Variants in FAM193A observed in about 807,000 individuals in gnomAD.
FAM193A encodes protein FAM193A.
A neutral mutation model predicts 126.5 loss-of-function variants in FAM193A; 22 were observed. That is an observed-to-expected ratio of 0.17 (90% CI 0.12 to 0.25). The LOEUF (loss-of-function observed/expected upper bound fraction) is 0.25. Among genes scored for constraint, FAM193A ranks in the 10% least tolerant of loss-of-function variants. The pLI, the probability that FAM193A is intolerant of heterozygous loss-of-function variation, is 1.00. For synonymous variants in FAM193A, 761 were observed against 646.8 expected (o/e 1.18, Z -2.68); for missense variants, 1,675 against 1,672.8 (o/e 1.00, Z -0.02).
At chr4:2,715,477 C>G in intron 19 of FAM193A, 1 of 985,296 alleles carries the variant, frequency 1.0e-6, no homozygotes. Flanking sequence ...TTGATGAAAT[C>G]TCTGGATGTC....
At chr4:2,536,209 A>AAAGG (rs1736862174), upstream of FAM193A, among the ~76,000 whole-genome samples, 1 of 151,204 alleles carries the variant, frequency 6.6e-6, no homozygotes, top group African/African-American at 2.4e-5. Flanking sequence ...AGAGAGGCGG[A>AAAGG]ACTCCCTGCC....
chr4:2,667,612 C>G (rs1265003263), intron 12 of FAM193A, among the ~76,000 whole-genome samples: 1 of 152,166 alleles, frequency 6.6e-6, no homozygotes, highest in African/African-American at 2.4e-5. Flanking sequence ...TATAGCCACT[C>G]CACCTTCTTG....
intron 19 of FAM193A, among the ~76,000 whole-genome samples, chr4:2,708,902 C>G (rs549267203): frequency 2.0e-5 from 3 of 152,028 alleles, no homozygotes; most frequent in Non-Finnish European, 4.4e-5. Context: ...TCAATTCTTA[C>G]GCCTCTAATT....
intron 13 of FAM193A, among the ~76,000 whole-genome samples, chr4:2,689,045 A>G (rs1000141798): frequency 5.9e-5 from 9 of 152,234 alleles, no homozygotes; most frequent in Non-Finnish European, 8.8e-5. Context: ...AAATTTCTCT[A>G]GGTCATTAGA....
intron 2 of FAM193A, among the ~76,000 whole-genome samples, chr4:2,606,927 A>G (rs531275330): frequency 1.3e-5 from 2 of 152,326 alleles, no homozygotes; most frequent in South Asian, 4.1e-4. Context: ...AATAGTGCCA[A>G]ATTGCCTTGA....
chr4:2,614,959 A>G (rs1418459437), intron 2 of FAM193A, among the ~76,000 whole-genome samples: 1 of 152,110 alleles, frequency 6.6e-6, no homozygotes, highest in Non-Finnish European at 1.5e-5. Flanking sequence ...TCCTGATACC[A>G]GTTTTTTGAG....
rs1400329520 is a variant in FAM193A at position 2,700,130 on chromosome 4, C to T, written c.3958C>T (p.Pro1320Ser). The T allele has an allele frequency of 6.2e-7, 1 of 1,613,644 alleles. No individual in the cohort carries two copies. Among genetic ancestry groups the T allele is most frequent in the South Asian group, 1.1e-5 (1 of 91,034 alleles). ...GGAGGTGAATGGGAAGCAGCATGAGCCACTCTCTTTTTTCTTCGACATCAT... is the reference window on the plus strand; with the variant it reads ...GGAGGTGAATGGGAAGCAGCATGAGTCACTCTCTTTTTTCTTCGACATCAT... ...PKEVNGKQHE[P>S]LSFFFDIMQH... The change falls in exon 19 of 21, where the codon CCA (proline) becomes TCA (serine). Residue 1320 changes from proline to serine, a missense_variant. This residue lies in a region of FAM193A where 415 missense variants were observed against 396.7 expected (regional missense o/e 1.05). Transcript: ENST00000637812.
intron 2 of FAM193A, among the ~76,000 whole-genome samples, chr4:2,610,195 A>G (rs1741780478): frequency 6.6e-6 from 1 of 151,718 alleles, no homozygotes; most frequent in South Asian, 2.1e-4. Context: ...TCACGCCACT[A>G]AACTCCAGCC....
At chr4:2,664,239 C>T (rs1712826052) in intron 12 of FAM193A, among the ~76,000 whole-genome samples, 1 of 152,080 alleles carries the variant, frequency 6.6e-6, no homozygotes, top group African/African-American at 2.4e-5. Flanking sequence ...TTCTTAGATT[C>T]TGTTTGACTC....
chr4:2,716,836 C>G (rs1462933770), intron 20 of FAM193A, among the ~76,000 whole-genome samples: 1 of 152,022 alleles, frequency 6.6e-6, no homozygotes, highest in Non-Finnish European at 1.5e-5. Context: ...ACAACCACAC[C>G]AAGCTGATTT....
chr4:2,607,593 T>C (rs1741620936), intron 2 of FAM193A, among the ~76,000 whole-genome samples: 1 of 152,256 alleles, frequency 6.6e-6, no homozygotes. Flanking sequence ...GATTTGTTTT[T>C]AGTATTTGGA....
rs1406676434 is a variant in FAM193A, at chr4:2,694,931, T to C, written c.3093-15T>C. On this transcript the variant is annotated splice_polypyrimidine_tract_variant and intron_variant, in intron 16 of 20. Transcript: ENST00000637812. ...GGCCGGCCACTTGCTGATGAGCTTG[T>C]ATGCGGTTTTGCAGTGACCCTGACT... is the stretch of plus-strand genomic sequence containing the variant. 6.3e-7 allele frequency: 1 copy of C among 1,576,628 alleles called. No homozygotes were observed. The highest frequency in any genetic ancestry group is 8.6e-7 in the Non-Finnish European group (1 of 1,164,694).
chr4:2,538,065 GA>G (rs1390513363), intron 1 of FAM193A, among the ~76,000 whole-genome samples: 2 of 152,050 alleles, frequency 1.3e-5, no homozygotes, highest in Non-Finnish European at 2.9e-5. Flanking sequence ...AAAGAGAATA[GA>G]TTTTTTTTGA....
intron 1 of FAM193A, among the ~76,000 whole-genome samples, chr4:2,550,555 G>A (rs942342978): frequency 3.3e-5 from 5 of 151,440 alleles, no homozygotes; most frequent in African/African-American, 1.2e-4. Context: ...TCCTGCCCCA[G>A]CCTCCCGAGT....
In FAM193A at chr4:2,603,451, ATTTTTTTT is replaced by A. The variant is rs71178489; in HGVS notation, c.501+7138_501+7145del. ...AGGTATGCACTACCACGCCCAGCTA[ATTTTTTTT>A]TTTTTTTTTTTTTTTGAGACGGAGT... On this transcript the variant is annotated intron_variant, in intron 2 of 20. Transcript: ENST00000637812. 3.3e-3 allele frequency among the ~76,000 whole-genome samples: 332 copies of A among 99,300 alleles called. 1 individual carries two copies. The highest frequency in any genetic ancestry group is 0.013 in the African/African-American group (292 of 22,648). 65.1% of individuals were successfully genotyped at this position (99,300 alleles called of 152,430 possible).
intron 1 of FAM193A, among the ~76,000 whole-genome samples, chr4:2,551,232 T>G (rs1378636276): frequency 6.6e-6 from 1 of 152,242 alleles, no homozygotes; most frequent in Non-Finnish European, 1.5e-5. Flanking sequence ...TGAATATCCC[T>G]TATCTCAAAT....
At chr4:2,567,101 G>A (rs562335435) in intron 1 of FAM193A, among the ~76,000 whole-genome samples, 5 of 150,682 alleles carry the variant, frequency 3.3e-5, no homozygotes, top group South Asian at 2.1e-4. Flanking sequence ...CACCATGCCC[G>A]GCTCATTTTT....
At chr4:2,610,997 A>G (rs1741836522) in intron 2 of FAM193A, among the ~76,000 whole-genome samples, 1 of 152,266 alleles carries the variant, frequency 6.6e-6, no homozygotes, top group South Asian at 2.1e-4. Context: ...TCCGCCTCCC[A>G]AAGTGCTGGG....
intron 7 of FAM193A, among the ~76,000 whole-genome samples, chr4:2,652,080 G>A (rs76565565): frequency 1.3e-5 from 2 of 152,330 alleles, no homozygotes; most frequent in East Asian, 3.9e-4. Context: ...ATCTGTCCCT[G>A]ACTGGGGCTG....
Sources: allele counts gnomAD v4.1 joint callset (sites outside exome capture counted in the v4.1 genomes callset), GRCh38; gene constraint gnomAD v4.1.1; regional missense constraint gnomAD v4.1.1; transcripts MANE v1.5; gene names NCBI Gene and HGNC (gene_info 2026-07-23, HGNC 2026-07-21).